ANGEL1: variants seen among roughly 807,000 people sequenced by gnomAD.
ANGEL1 encodes the protein RNA 2',3'-cyclic phosphatase ANGEL1.
ANGEL1 carries 62 observed loss-of-function variants against 76.4 expected under a neutral mutation model. The ratio of observed to expected loss-of-function variants is 0.81; its 90% CI spans 0.66 to 1.00. The LOEUF (loss-of-function observed/expected upper bound fraction) is 1.00, where lower values mean the gene tolerates loss of function less well. Among genes scored for constraint, ANGEL1 ranks in the 50% least tolerant of loss-of-function variants. ANGEL1 has a pLI of 0.00. For missense variants in ANGEL1, 737 were observed against 836.7 expected, an observed-to-expected ratio of 0.88 and a Z score of 1.47; for synonymous variants, 340 against 331.7, an observed-to-expected ratio of 1.03 and a Z score of -0.27.
In ANGEL1 at chr14:76,806,540, C is replaced by T; in HGVS notation, c.1256G>A (p.Arg419Lys). The change falls in exon 5 of 10, where the codon AGA (arginine) becomes AAA (lysine). Residue 419 changes from arginine (R) to lysine (K), a missense_variant. Coordinates refer to ENST00000251089, the MANE Select transcript of ANGEL1 (RefSeq NM_015305.4). ...GGGGCAGTGGCTGCCATCTGACAGT[C>T]TGGCCACCTTGTCCACTTCCGCCAG... Reference protein sequence around the residue: ...ILLAEVDKVARLSDGSHCPII... With the variant: ...ILLAEVDKVAKLSDGSHCPII... The T allele has an allele frequency of 6.2e-7, 1 of 1,614,240 alleles. No individual in the cohort carries two copies. The highest frequency in any genetic ancestry group is 8.5e-7 in the Non-Finnish European group (1 of 1,180,054).
At chr14:76,807,560 T>A in intron 3 of ANGEL1, 58 bp from the exon 4 acceptor site, 1 of 1,568,462 alleles carries the variant, frequency 6.4e-7, no homozygotes, top group Non-Finnish European at 8.7e-7. Flanking sequence ...ACCCCCACCC[T>A]CTAGGAGCAG....
rs1262650810 is a variant in ANGEL1, at chr14:76,788,959, A to T, written c.*269T>A. The T allele has an allele frequency of 3.6e-5, 15 of 416,698 alleles. No homozygotes were observed. The highest frequency in any genetic ancestry group is 1.9e-4 in the Admixed American group (5 of 25,656). 25.8% of individuals were successfully genotyped at this position (416,698 alleles called of 1,614,324 possible). On this transcript the variant is annotated 3_prime_UTR_variant, in exon 10 of 10. Coordinates refer to ENST00000251089, the MANE Select transcript of ANGEL1 (RefSeq NM_015305.4). Reference sequence around the variant, plus strand: ...TCAAGGGGGAGCGCTGGATACATGGAAGGAAGGGGGAGCCCCCCTTCTGCC... The same window carrying T: ...TCAAGGGGGAGCGCTGGATACATGGTAGGAAGGGGGAGCCCCCCTTCTGCC...
At chr14:76,801,167 A>G (rs1468561192) in intron 7 of ANGEL1, among the ~76,000 whole-genome samples, 1 of 151,010 alleles carries the variant, frequency 6.6e-6, no homozygotes, top group Non-Finnish European at 1.5e-5. Flanking sequence ...CTGGAGTGCA[A>G]TGGTACGAAC....
At chr14:76,795,200 G>C (rs931529325) in intron 7 of ANGEL1, among the ~76,000 whole-genome samples, 30 of 152,066 alleles carry the variant, frequency 2.0e-4, no homozygotes, top group Non-Finnish European at 3.1e-4. Context: ...AAAGAATCAA[G>C]AATAGATGTT....
In ANGEL1 at chr14:76,812,758, C is replaced by G; in HGVS notation, c.64+6G>C. 2 of 1,517,758 alleles carry G rather than the reference C, an allele frequency of 1.3e-6. No homozygotes were observed. The highest frequency in any genetic ancestry group is 1.8e-6 in the Non-Finnish European group (2 of 1,137,660). 94.0% of individuals were successfully genotyped at this position (1,517,758 alleles called of 1,614,324 possible). On this transcript the variant is annotated splice_donor_region_variant and intron_variant, in intron 1 of 9. Coordinates refer to ENST00000251089, the MANE Select transcript of ANGEL1 (RefSeq NM_015305.4). ...GCTCCTGTCTGTCGGTACGCCTGGC[C>G]GGTACCTGAGAGGGCGCGGAAGAGG...
chr14:76,796,809 A>G (rs1033111082), intron 7 of ANGEL1, among the ~76,000 whole-genome samples: 1 of 152,084 alleles, frequency 6.6e-6, no homozygotes, highest in Non-Finnish European at 1.5e-5. Context: ...GTTATTGTCT[A>G]TTACTCCATG....
At position 76,787,837 on chromosome 14, in the gene ANGEL1, C is replaced by G. The variant is rs1273487809; in HGVS notation, c.*1391G>C. ...ATGTGTGGAGGGGCTGGCCCAGGAT[C>G]TCCCAAGGCCACACCCCAGCAATGA... On this transcript the variant is annotated 3_prime_UTR_variant, in exon 10 of 10. Transcript: ENST00000251089. 1 of 152,632 alleles carries G rather than the reference C, an allele frequency of 6.6e-6. No individual in the cohort carries two copies. Among genetic ancestry groups the G allele is most frequent in the African/African-American group, 2.4e-5 (1 of 41,466 alleles). The allele number at this position is 152,632 out of a possible 1,614,324, so 9.5% of individuals were successfully genotyped here.
intron 7 of ANGEL1, among the ~76,000 whole-genome samples, chr14:76,793,200 T>G (rs1296513499): frequency 6.7e-6 from 1 of 150,128 alleles, no homozygotes. Context: ...ATTACAAAAC[T>G]TGGAAAGAAA....
intron 7 of ANGEL1, 53 bp downstream of exon 7, chr14:76,803,318 T>C (rs969811752): frequency 2.1e-6 from 3 of 1,418,592 alleles, no homozygotes; most frequent in Admixed American, 3.5e-5. Context: ...AACTGACCAA[T>C]ATCAGGAATG....
intron 7 of ANGEL1, among the ~76,000 whole-genome samples, chr14:76,799,723 T>C (rs1426083346): frequency 2.0e-5 from 3 of 152,018 alleles, no homozygotes; most frequent in Non-Finnish European, 4.4e-5. Context: ...CTGGGCAAGA[T>C]GGTGAAACCC....
At chr14:76,793,427 G>C in intron 7 of ANGEL1, among the ~76,000 whole-genome samples, 1 of 83,524 alleles carries the variant, frequency 1.2e-5, no homozygotes, top group Non-Finnish European at 2.6e-5. Flanking sequence ...GAGGAGAGGG[G>C]AGGAGGAGGA....
chr14:76,797,493 A>T (rs1415807763), intron 7 of ANGEL1, among the ~76,000 whole-genome samples: 1 of 152,166 alleles, frequency 6.6e-6, no homozygotes, highest in African/African-American at 2.4e-5. Flanking sequence ...CCAGCTACTC[A>T]GGAGGCTGAG....
rs150388722 is a variant in ANGEL1, at chr14:76,803,087, C to T, written c.1618+284G>A. On this transcript the variant is annotated intron_variant, in intron 7 of 9. Transcript: ENST00000251089. ...ACTTCTCCCCTATATATGCTGTACA[C>T]ATGCTAGTCATTAGCAACTTAAGCT... Among the ~76,000 whole-genome samples the T allele has an allele frequency of 4.6e-3, 701 of 152,324 alleles. 2 individuals are homozygous for T. The highest frequency in any genetic ancestry group is 0.016 in the African/African-American group (670 of 41,576).
chr14:76,795,527 C>T (rs377753789), intron 7 of ANGEL1, among the ~76,000 whole-genome samples: 2 of 152,158 alleles, frequency 1.3e-5, no homozygotes, highest in South Asian at 2.1e-4. Flanking sequence ...TAAAAATAAC[C>T]TGGCCCCTTT....
chr14:76,789,504 A>G, intron 9 of ANGEL1, 116 bp from the exon 10 acceptor site: 1 of 1,123,486 alleles, frequency 8.9e-7, no homozygotes, highest in East Asian at 2.4e-5. Context: ...TTGGCTGCCC[A>G]CTGCCCCTCA....
intron 9 of ANGEL1, 117 bp from the exon 10 acceptor site, chr14:76,789,505 C>G (rs911833582): frequency 1.8e-6 from 2 of 1,127,532 alleles, no homozygotes; most frequent in Non-Finnish European, 1.3e-6. Context: ...TGGCTGCCCA[C>G]TGCCCCTCAC....
In ANGEL1 at chr14:76,792,084, C is replaced by T. The variant is rs1170746724; in HGVS notation, c.1619-718G>A. On this transcript the variant is annotated intron_variant, in intron 7 of 9. Transcript: ENST00000251089. ...ATGAAAGAGGGGCCATCACCACCAA[C>T]CATTTAGAAATAAAAAATAACTATA... Among the ~76,000 whole-genome samples the T allele has an allele frequency of 2.6e-5, 4 of 152,026 alleles. No homozygotes were observed. In the East Asian group the frequency reaches 5.8e-4, roughly 22 times the overall value.
intron 2 of ANGEL1, 133 bp downstream of exon 2, chr14:76,808,926 C>G (rs991271332): frequency 9.4e-6 from 8 of 851,208 alleles, no homozygotes; most frequent in Non-Finnish European, 1.8e-6. Context: ...CTAGATCTGA[C>G]ATGCCAAGAT....
In ANGEL1 at chr14:76,806,688, G is replaced by A. The variant is rs1416783646; in HGVS notation, c.1108C>T (p.Leu370=). ...NRDNVGLVLL[L]QPLVPEGLGQ... ...AGGCCTTCTGGGACGAGTGGTTGCA[G>A]TAGCAACACTAAGCCCACATTATCC... The change falls in exon 5 of 10, where the codon CTG becomes TTG. Residue 370 remains leucine, a synonymous_variant. Coordinates refer to ENST00000251089, the MANE Select transcript of ANGEL1 (RefSeq NM_015305.4). 6.2e-7 allele frequency: 1 copy of A among 1,614,032 alleles called. No individual in the cohort carries two copies. The highest frequency in any genetic ancestry group is 2.2e-5 in the East Asian group (1 of 44,870).
Sources: allele counts gnomAD v4.1 joint callset (sites outside exome capture counted in the v4.1 genomes callset), GRCh38; gene constraint gnomAD v4.1.1; transcripts MANE v1.5; gene names NCBI Gene and HGNC (gene_info 2026-07-23, HGNC 2026-07-21).